The following ARHGAP26 variants were observed in gnomAD, a reference collection of about 807,000 sequenced individuals.
ARHGAP26 encodes rho GTPase-activating protein 26.
Under a neutral mutation model 104.8 loss-of-function variants are expected in ARHGAP26, and 38 were observed. That is an observed-to-expected ratio of 0.36 (90% CI 0.28 to 0.48). ARHGAP26 has a LOEUF of 0.48. Among genes scored for constraint, ARHGAP26 ranks in the 20% least tolerant of loss-of-function variants. ARHGAP26 has a pLI of 0.99. For missense variants in ARHGAP26, 704 were observed against 947.9 expected, an observed-to-expected ratio of 0.74 and a Z score of 3.38; for synonymous variants, 341 against 340.0, an observed-to-expected ratio of 1.00 and a Z score of -0.03.
At chr5:142,873,624 G>A (rs1419596881) in intron 2 of ARHGAP26, 129 bp downstream of exon 2, 14 of 597,222 alleles carry the variant, frequency 2.3e-5, no homozygotes, top group East Asian at 2.1e-4. Context: ...TAGTGGAAGT[G>A]GAGGGCCAGA....
intron 1 of ARHGAP26, among the ~76,000 whole-genome samples, chr5:142,788,748 A>G (rs1356661262): frequency 1.3e-5 from 2 of 152,254 alleles, no homozygotes; most frequent in South Asian, 2.1e-4. Flanking sequence ...ATTTCATATC[A>G]GGGACTTGAG....
chr5:143,137,496 G>A (rs1340005518), intron 19 of ARHGAP26, among the ~76,000 whole-genome samples: 1 of 152,180 alleles, frequency 6.6e-6, no homozygotes, highest in Non-Finnish European at 1.5e-5. Flanking sequence ...ATACCTGGTT[G>A]GAGGGATATG....
intron 1 of ARHGAP26, among the ~76,000 whole-genome samples, chr5:142,868,580 G>A (rs1297685340): frequency 6.6e-6 from 1 of 152,180 alleles, no homozygotes; most frequent in African/African-American, 2.4e-5. Context: ...GGAGACTTGG[G>A]AATGGACATG....
chr5:142,937,511 G>A (rs889419683), intron 11 of ARHGAP26, among the ~76,000 whole-genome samples: 5 of 152,204 alleles, frequency 3.3e-5, no homozygotes, highest in Non-Finnish European at 7.3e-5. Context: ...AAATATTGCT[G>A]TTACTCTATG....
intron 2 of ARHGAP26, 126 bp from the exon 3 acceptor site, chr5:142,874,984 A>G: frequency 1.4e-6 from 1 of 729,924 alleles, no homozygotes; most frequent in Non-Finnish European, 2.4e-6. Flanking sequence ...AGCCTTGGGA[A>G]GCAATTGACT....
Position 142,980,985 on chromosome 5 carries a change from T to A in ARHGAP26, c.1108-33095T>A, listed in dbSNP as rs190518137. On this transcript the variant is annotated intron_variant, in intron 11 of 22. Coordinates refer to ENST00000645722, the MANE Select transcript of ARHGAP26 (RefSeq NM_001135608.3). ...TGTCGTTGTAGTGTCACACTTGGTGTTTATTTTCATTTCCTGGGTGAGTAA... is the reference window on the plus strand; with the variant it reads ...TGTCGTTGTAGTGTCACACTTGGTGATTATTTTCATTTCCTGGGTGAGTAA... Among the ~76,000 whole-genome samples, 179 of 152,362 alleles carry A rather than the reference T, an allele frequency of 1.2e-3. 1 individual carries two copies. Among genetic ancestry groups the A allele is most frequent in the African/African-American group, 4.2e-3 (174 of 41,578 alleles).
chr5:143,153,124 G>A (rs1242989176), intron 20 of ARHGAP26, among the ~76,000 whole-genome samples: 1 of 152,166 alleles, frequency 6.6e-6, no homozygotes, highest in East Asian at 1.9e-4. Context: ...ATGGAGACTA[G>A]CCTCTCGGTT....
At chr5:143,210,540 G>T (rs1018210858) in intron 21 of ARHGAP26, among the ~76,000 whole-genome samples, 3 of 152,152 alleles carry the variant, frequency 2.0e-5, no homozygotes, top group African/African-American at 7.2e-5. Flanking sequence ...TAGAGAAAGG[G>T]TGCTGGAGAC....
chr5:143,097,795 C>G (rs944076582), intron 17 of ARHGAP26, among the ~76,000 whole-genome samples: 1 of 126,562 alleles, frequency 7.9e-6, no homozygotes, highest in African/African-American at 3.0e-5. Context: ...GCATGCCAGC[C>G]TGGGTGACAG....
At chr5:142,803,868 C>G (rs979734939) in intron 1 of ARHGAP26, among the ~76,000 whole-genome samples, 2 of 152,210 alleles carry the variant, frequency 1.3e-5, no homozygotes, top group Admixed American at 6.5e-5. Flanking sequence ...AAGGCCTGGT[C>G]CTTGATCACT....
At chr5:143,018,531 G>A (rs758753240) in intron 12 of ARHGAP26, among the ~76,000 whole-genome samples, 4 of 152,174 alleles carry the variant, frequency 2.6e-5, no homozygotes, top group Non-Finnish European at 4.4e-5. Flanking sequence ...GATGTTCCAT[G>A]AAGATCCATT....
At chr5:142,956,249 T>C (rs1008961262) in intron 11 of ARHGAP26, among the ~76,000 whole-genome samples, 1 of 152,102 alleles carries the variant, frequency 6.6e-6, no homozygotes, top group African/African-American at 2.4e-5. Context: ...ACATCTTGTC[T>C]GTGTCCTGGT....
At chr5:143,217,359 G>A (rs1223214788) in intron 22 of ARHGAP26, among the ~76,000 whole-genome samples, 2 of 152,104 alleles carry the variant, frequency 1.3e-5, no homozygotes, top group African/African-American at 4.8e-5. Context: ...TAATTCCAGT[G>A]TCATCCCTGG....
chr5:143,033,156 A>G (rs1047749837), intron 12 of ARHGAP26, among the ~76,000 whole-genome samples: 4 of 152,256 alleles, frequency 2.6e-5, no homozygotes, highest in Non-Finnish European at 5.9e-5. Context: ...GAACTTAGAC[A>G]ACTAAGATAA....
At chr5:142,982,895 C>A (rs567960798) in intron 11 of ARHGAP26, among the ~76,000 whole-genome samples, 1 of 152,286 alleles carries the variant, frequency 6.6e-6, no homozygotes, top group African/African-American at 2.4e-5. Context: ...CTGACTTTCC[C>A]TGTGTGTTGT....
Position 143,226,550 on chromosome 5 carries a change from C to A in ARHGAP26, c.*4104C>A, listed in dbSNP as rs1466108205. ...AGACAGCTGGTTTCAAATCCCTGCC[C>A]CCAGGCAAGTAAAACCCTGACTTGC... On this transcript the variant is annotated 3_prime_UTR_variant, in exon 23 of 23. Coordinates refer to ENST00000645722, the MANE Select transcript of ARHGAP26 (RefSeq NM_001135608.3). The A allele has an allele frequency of 4.9e-6, 1 of 202,506 alleles. No individual in the cohort carries two copies. The highest frequency in any genetic ancestry group is 6.0e-5 in the Admixed American group (1 of 16,630). The allele number at this position is 202,506 out of a possible 1,614,324, so 12.5% of individuals were successfully genotyped here. A position where few individuals can be genotyped will look rare whatever the true frequency, so the allele number is the denominator to read the frequency against.
intron 20 of ARHGAP26, among the ~76,000 whole-genome samples, chr5:143,179,494 G>T (rs1273928154): frequency 6.6e-6 from 1 of 152,188 alleles, no homozygotes; most frequent in Non-Finnish European, 1.5e-5. Context: ...CATTGCCCTT[G>T]CTGCTCAGAA....
chr5:143,098,430 T>C (rs563314242), intron 17 of ARHGAP26, among the ~76,000 whole-genome samples: 63 of 152,222 alleles, frequency 4.1e-4, no homozygotes, highest in Non-Finnish European at 7.6e-4. Flanking sequence ...TAAAACCAGT[T>C]CTTGGGAATA....
At chr5:143,037,586 A>G (rs1782847182) in intron 13 of ARHGAP26, among the ~76,000 whole-genome samples, 1 of 152,208 alleles carries the variant, frequency 6.6e-6, no homozygotes, top group African/African-American at 2.4e-5. Flanking sequence ...ACACTTTATA[A>G]GTGATAGTGG....
Sources: gnomAD v4.1 joint callset for allele counts (sites outside exome capture counted in the v4.1 genomes callset) on GRCh38, gnomAD v4.1.1 for gene constraint, MANE v1.5 for transcripts, NCBI Gene and HGNC (gene_info 2026-07-23, HGNC 2026-07-21) for gene names.